The following RBBP4 variants were observed in gnomAD, a reference collection of about 807,000 sequenced individuals.
RBBP4 encodes histone-binding protein RBBP4.
Under a neutral mutation model 57.2 loss-of-function variants are expected in RBBP4, and 3 were observed. The ratio of observed to expected loss-of-function variants is 0.05; its 90% confidence interval spans 0.02 to 0.14. The LOEUF is 0.14. RBBP4 is among the 10% of genes least tolerant of loss of function. The pLI, the probability that RBBP4 is intolerant of heterozygous loss-of-function variation, is 1.00. For missense variants in RBBP4, 107 were observed against 520.6 expected (o/e 0.21, Z 7.73); for synonymous variants, 151 against 171.5 (o/e 0.88, Z 0.93).
intron 3 of RBBP4, among the ~76,000 whole-genome samples, chr1:32,659,009 T>C (rs1364388809): frequency 6.8e-6 from 1 of 147,156 alleles, no homozygotes. Flanking sequence ...TAAAATATAG[T>C]TATATATAAT....
At chr1:32,652,270 C>T (rs1647797540) in intron 2 of RBBP4, 1 of 557,974 alleles carries the variant, frequency 1.8e-6, no homozygotes, top group Admixed American at 3.2e-5. Flanking sequence ...GTTTTTTTCT[C>T]AATACTGAAT....
At chr1:32,679,556 G>A in intron 11 of RBBP4, 84 bp from the exon 12 acceptor site, 1 of 1,246,936 alleles carries the variant, frequency 8.0e-7, no homozygotes, top group Non-Finnish European at 1.1e-6. Context: ...TTTACTCTCT[G>A]GCTTCCTGGC....
At chr1:32,664,053 A>C (rs1648540870) in intron 3 of RBBP4, among the ~76,000 whole-genome samples, 1 of 151,220 alleles carries the variant, frequency 6.6e-6, no homozygotes, top group South Asian at 2.1e-4. Flanking sequence ...CAGCCTCCCA[A>C]GTAGCTGGGA....
Position 32,683,748 on chromosome 1 carries a change from T to A in RBBP4, c.*4043T>A. On this transcript the variant is annotated 3_prime_UTR_variant, in exon 12 of 12. Transcript: ENST00000373493. ...TCCTGGTTCAAGCGATTCTCCTGCC[T>A]TGGCCTCCTGAGTAGCTGGGATTAT... is the stretch of plus-strand genomic sequence containing the variant. The A allele has an allele frequency of 2.7e-6, 1 of 376,942 alleles. No individual in the cohort carries two copies. Among genetic ancestry groups the A allele is most frequent in the Non-Finnish European group, 4.9e-6 (1 of 202,792 alleles). 23.3% of individuals were successfully genotyped at this position (376,942 alleles called of 1,614,324 possible).
intron 8 of RBBP4, among the ~76,000 whole-genome samples, chr1:32,670,208 G>A (rs984110190): frequency 6.6e-6 from 1 of 152,142 alleles, no homozygotes; most frequent in Non-Finnish European, 1.5e-5. Flanking sequence ...ACAAAGAAAG[G>A]AAAACTAGTG....
chr1:32,677,110 T>A (rs1267030004), intron 11 of RBBP4, among the ~76,000 whole-genome samples: 1 of 152,168 alleles, frequency 6.6e-6, no homozygotes, highest in African/African-American at 2.4e-5. Context: ...CACTCGGAGT[T>A]TGCAGAGTGC....
Position 32,680,573 on chromosome 1 carries a change from C to T in RBBP4, c.*868C>T. On this transcript the variant is annotated 3_prime_UTR_variant, in exon 12 of 12. Transcript: ENST00000373493. ...TTGATGCCATCTCCATTTTGGGTGA[C>T]CTGTTTCACCAGCAGGCCTGTTACT... 2 of 1,513,810 alleles carry T rather than the reference C, an allele frequency of 1.3e-6. No individual in the cohort carries two copies. Among genetic ancestry groups the T allele is most frequent in the Non-Finnish European group, 1.8e-6 (2 of 1,116,608 alleles). The allele number at this position is 1,513,810 out of a possible 1,614,324, so 93.8% of individuals were successfully genotyped here.
At position 32,680,243 on chromosome 1, in the gene RBBP4, C is replaced by T; in HGVS notation, c.*538C>T. On this transcript the variant is annotated 3_prime_UTR_variant, in exon 12 of 12. Transcript: ENST00000373493. ...GGTTTCTTCAGTTAAGTCAAAACAA[C>T]ACGTTCCTCTTTCCCCATATATTCA... 1 of 1,169,634 alleles carries T rather than the reference C, an allele frequency of 8.5e-7. No homozygotes were observed. Among genetic ancestry groups the T allele is most frequent in the Non-Finnish European group, 1.1e-6 (1 of 946,832 alleles). 72.5% of individuals were successfully genotyped at this position (1,169,634 alleles called of 1,614,324 possible).
chr1:32,672,325 GTA>G (rs1648913842), intron 8 of RBBP4, 123 bp from the exon 9 acceptor site: 3 of 749,282 alleles, frequency 4.0e-6, no homozygotes, highest in Non-Finnish European at 4.3e-6. Flanking sequence ...ACTGTAACGT[GTA>G]TAATACCTTG....
chr1:32,660,775 G>C (rs1648369884), intron 3 of RBBP4, among the ~76,000 whole-genome samples: 1 of 151,902 alleles, frequency 6.6e-6, no homozygotes, highest in Non-Finnish European at 1.5e-5. Context: ...ATTTGGTATG[G>C]AATCAGAATC....
At chr1:32,665,304 T>A (rs940238642) in intron 3 of RBBP4, among the ~76,000 whole-genome samples, 13 of 152,316 alleles carry the variant, frequency 8.5e-5, no homozygotes, top group Middle Eastern at 3.4e-3. Flanking sequence ...AAAAGTTATT[T>A]TGAAGTTGAA....
chr1:32,656,003 G>T (rs1648123931), intron 2 of RBBP4, among the ~76,000 whole-genome samples: 1 of 152,136 alleles, frequency 6.6e-6, no homozygotes, highest in African/African-American at 2.4e-5. Flanking sequence ...AGATGATGTG[G>T]ATGCCCTTGA....
chr1:32,670,515 A>G (rs78603912), intron 8 of RBBP4, among the ~76,000 whole-genome samples: 1 of 152,326 alleles, frequency 6.6e-6, no homozygotes, highest in East Asian at 1.9e-4. Context: ...CTACGGCACT[A>G]TGAAAGATTA....
At chr1:32,653,206 AG>A (rs983427098) in intron 2 of RBBP4, among the ~76,000 whole-genome samples, 1 of 152,208 alleles carries the variant, frequency 6.6e-6, no homozygotes, top group Non-Finnish European at 1.5e-5. Context: ...TATCAGAGGA[AG>A]GAAAATTTGC....
rs571293214 is a variant in RBBP4, at chr1:32,651,247, A to G, written c.-60A>G. ...CCGCGCGCACAGAGCGAGCTCTTGC[A>G]GCCTCCCCGCCCCTCCCGCAACGCT... On this transcript the variant is annotated 5_prime_UTR_variant, in exon 1 of 12. Transcript: ENST00000373493. The G allele has an allele frequency of 3.3e-6, 5 of 1,506,312 alleles. No homozygotes were observed. The highest frequency in any genetic ancestry group is 4.4e-5 in the Admixed American group (2 of 45,426). 93.3% of individuals were successfully genotyped at this position (1,506,312 alleles called of 1,614,324 possible).
chr1:32,684,752 T>C lies in RBBP4; in HGVS notation c.*5047T>C, dbSNP rs1334740066. The C allele has an allele frequency of 2.4e-5, 4 of 166,498 alleles. No homozygotes were observed. Among genetic ancestry groups the C allele is most frequent in the Non-Finnish European group, 5.2e-5 (4 of 76,548 alleles). The allele number at this position is 166,498 out of a possible 1,614,324, so 10.3% of individuals were successfully genotyped here. A position where few individuals can be genotyped will look rare whatever the true frequency, so the allele number is the denominator to read the frequency against. On this transcript the variant is annotated 3_prime_UTR_variant, in exon 12 of 12. Transcript: ENST00000373493. Reference sequence around the variant, plus strand: ...TCCATGTGCAGGTTTGTTAAGATAATTGGTAGTTTTTAATAATATAAAATA... The same window carrying C: ...TCCATGTGCAGGTTTGTTAAGATAACTGGTAGTTTTTAATAATATAAAATA...
chr1:32,673,103 TA>T lies in RBBP4; in HGVS notation c.1212+205del, dbSNP rs778699922. On this transcript the variant is annotated intron_variant, in intron 11 of 11. Coordinates refer to ENST00000373493, the MANE Select transcript of RBBP4 (RefSeq NM_005610.3). ...ATACCACTGGTATTTTAAACTCTGC[TA>T]AACAAAACTGACCCTCTCTCCCACT... Among the ~76,000 whole-genome samples the T allele has an allele frequency of 3.3e-5, 5 of 152,322 alleles. No individual in the cohort carries two copies. The East Asian group carries it at 5.8e-4, about 18-fold the overall frequency.
intron 3 of RBBP4, among the ~76,000 whole-genome samples, chr1:32,663,780 G>GTT (rs1648525665): frequency 6.6e-6 from 1 of 151,772 alleles, no homozygotes; most frequent in African/African-American, 2.4e-5. Flanking sequence ...GTTTCACGGT[G>GTT]TTAGCCAGGA....
At chr1:32,658,902 T>C (rs1347235657) in intron 3 of RBBP4, among the ~76,000 whole-genome samples, 1 of 143,824 alleles carries the variant, frequency 7.0e-6, no homozygotes, top group Admixed American at 7.2e-5. Context: ...TGTAAAATTA[T>C]ATGTGTAATT....
Sources: allele counts gnomAD v4.1 joint callset (sites outside exome capture counted in the v4.1 genomes callset), GRCh38; gene constraint gnomAD v4.1.1; transcripts MANE v1.5; gene names NCBI Gene and HGNC (gene_info 2026-07-23, HGNC 2026-07-21).